Variants in GNB1 observed in about 807,000 individuals in gnomAD.
GNB1 encodes the protein G protein subunit beta 1, also known as guanine nucleotide-binding protein G(I)/G(S)/G(T) subunit beta-1.
Under a neutral mutation model 42.9 loss-of-function variants are expected in GNB1, and 2 were observed. The ratio of observed to expected loss-of-function variants is 0.05; its 90% CI spans 0.02 to 0.15. The LOEUF is 0.15. Ranked by LOEUF, GNB1 falls within the 10% of genes least tolerant of loss-of-function variation. The pLI, the probability that GNB1 is intolerant of heterozygous loss-of-function variation, is 1.00. For missense variants in GNB1, 193 were observed against 462.2 expected (o/e 0.42, Z 5.34); for synonymous variants, 183 against 174.7 (o/e 1.05, Z -0.38).
chr1:1,851,980 T>C (rs901806191), intron 1 of GNB1, among the ~76,000 whole-genome samples: 9 of 150,838 alleles, frequency 6.0e-5, no homozygotes, highest in African/African-American at 1.9e-4. Context: ...GAGGCAGAGA[T>C]TGCGGTGAGC....
In GNB1 at chr1:1,839,246, A is replaced by T. The variant is rs1430121235; in HGVS notation, c.-95-8T>A. The stretch of plus-strand genomic sequence containing the variant: ...CAATACATGTAAATTTGTCTGAAAC[A>T]AACAGAAAAGGCTGTATTTGTATTG... On this transcript the variant is annotated splice_polypyrimidine_tract_variant and splice_region_variant and intron_variant, in intron 1 of 11. Transcript: ENST00000378609. The T allele has an allele frequency of 6.6e-6, 1 of 152,216 alleles. No homozygotes were observed. Among genetic ancestry groups the T allele is most frequent in the African/African-American group, 2.4e-5 (1 of 41,454 alleles). The allele number at this position is 152,216 out of a possible 1,614,324, so 9.4% of individuals were successfully genotyped here.
chr1:1,861,272 C>A (rs1648612059), intron 1 of GNB1, among the ~76,000 whole-genome samples: 1 of 151,934 alleles, frequency 6.6e-6, no homozygotes, highest in Non-Finnish European at 1.5e-5. Context: ...GTCTGGGCAA[C>A]ATAAAGAGTC....
intron 7 of GNB1, chr1:1,793,719 G>T: frequency 6.3e-6 from 1 of 159,020 alleles, no homozygotes; most frequent in Non-Finnish European, 1.4e-5. Context: ...CTCTCCTACA[G>T]CCCACGCTCA....
At chr1:1,887,819 T>G (rs989960385) in intron 1 of GNB1, among the ~76,000 whole-genome samples, 1 of 152,168 alleles carries the variant, frequency 6.6e-6, no homozygotes, top group African/African-American at 2.4e-5. Flanking sequence ...TTCGCTATGT[T>G]GGCCAGACTG....
chr1:1,888,702 G>C (rs1650295455), intron 1 of GNB1, among the ~76,000 whole-genome samples: 1 of 152,124 alleles, frequency 6.6e-6, no homozygotes, highest in African/African-American at 2.4e-5. Flanking sequence ...AGCCGGGTGT[G>C]GTGGTGGTAG....
chr1:1,862,431 A>G (rs1648684083), intron 1 of GNB1, among the ~76,000 whole-genome samples: 1 of 152,058 alleles, frequency 6.6e-6, no homozygotes, highest in Non-Finnish European at 1.5e-5. Flanking sequence ...CAGTTTCCTA[A>G]GTCTATTACC....
At chr1:1,796,503 G>A (rs1646548189) in intron 7 of GNB1, among the ~76,000 whole-genome samples, 1 of 152,246 alleles carries the variant, frequency 6.6e-6, no homozygotes, top group Non-Finnish European at 1.5e-5. Flanking sequence ...GAGGAGCAGA[G>A]CTGTCTGTGC....
At chr1:1,795,441 C>T (rs766342697) in intron 7 of GNB1, among the ~76,000 whole-genome samples, 11 of 152,122 alleles carry the variant, frequency 7.2e-5, no homozygotes, top group East Asian at 3.9e-4. Flanking sequence ...GGGGACCAGG[C>T]GGAGGCACTC....
intron 1 of GNB1, among the ~76,000 whole-genome samples, chr1:1,876,651 G>A (rs913978180): frequency 2.0e-5 from 3 of 152,166 alleles, no homozygotes; most frequent in Non-Finnish European, 4.4e-5. Flanking sequence ...ATAGGCATAA[G>A]CCACCACACC....
intron 6 of GNB1, among the ~76,000 whole-genome samples, chr1:1,805,569 T>C (rs1235275609): frequency 1.3e-5 from 2 of 152,026 alleles, no homozygotes; most frequent in Non-Finnish European, 2.9e-5. Flanking sequence ...AGATGGAGTT[T>C]CGCTCTTGTT....
At chr1:1,810,356 C>T (rs1247594761) in intron 5 of GNB1, among the ~76,000 whole-genome samples, 12 of 151,622 alleles carry the variant, frequency 7.9e-5, no homozygotes, top group African/African-American at 2.4e-4. Flanking sequence ...TGAGCCACCG[C>T]GCCCGGCCCA....
Position 1,888,502 on chromosome 1 carries a change from G to A in GNB1, c.-96+2318C>T, listed in dbSNP as rs1055374277. ...TTGACAGCATCAGCCTCTGGACCCTGCAGTTGCAGTTCATTTCTGCGCAGC... is the reference window on the plus strand; with the variant it reads ...TTGACAGCATCAGCCTCTGGACCCTACAGTTGCAGTTCATTTCTGCGCAGC... On this transcript the variant is annotated intron_variant, in intron 1 of 11. Transcript: ENST00000378609. 5.3e-5 allele frequency among the ~76,000 whole-genome samples: 8 copies of A among 152,240 alleles called. No individual in the cohort carries two copies. The East Asian group carries it at 1.5e-3, about 29-fold the overall frequency.
intron 1 of GNB1, among the ~76,000 whole-genome samples, chr1:1,872,774 T>A (rs1649319312): frequency 1.3e-5 from 2 of 152,140 alleles, no homozygotes; most frequent in Non-Finnish European, 2.9e-5. Context: ...TTCTTCCAGT[T>A]CGCCATCTCC....
intron 4 of GNB1, among the ~76,000 whole-genome samples, chr1:1,816,214 CTCT>C (rs1401414715): frequency 6.6e-6 from 1 of 152,188 alleles, no homozygotes; most frequent in Non-Finnish European, 1.5e-5. Context: ...GATCTCGCAA[CTCT>C]TCTTATGACA....
At position 1,888,386 on chromosome 1, in the gene GNB1, G is replaced by A. The variant is rs984663175; in HGVS notation, c.-96+2434C>T. On this transcript the variant is annotated intron_variant, in intron 1 of 11. Transcript: ENST00000378609. ...CAATCTCAAAAAAAAAAAAAAAGGC[G>A]GGCGGGGGGAGCACTTTCAGTGTTG... Among the ~76,000 whole-genome samples, 168 of 149,650 alleles carry A rather than the reference G, an allele frequency of 1.1e-3. 1 individual carries two copies. The highest frequency in any genetic ancestry group is 1.3e-3 in the South Asian group (6 of 4,700).
chr1:1,789,460 A>ACGCG (rs1350192448), intron 9 of GNB1, among the ~76,000 whole-genome samples, 191 bp from the exon 10 acceptor site: 1 of 152,174 alleles, frequency 6.6e-6, no homozygotes, highest in African/African-American at 2.4e-5. Flanking sequence ...TGGGAGGCTG[A>ACGCG]CGCGGGTGGA....
At chr1:1,822,485 T>A (rs923563320) in intron 3 of GNB1, among the ~76,000 whole-genome samples, 14 of 152,076 alleles carry the variant, frequency 9.2e-5, no homozygotes, top group Non-Finnish European at 8.8e-5. Flanking sequence ...TTTTTTGTAT[T>A]TTTTTTCTTT....
In GNB1 at chr1:1,786,501, GACA is replaced by G. The variant is rs1370353184; in HGVS notation, c.*559_*561del. ...AACCAGGGACTGAATTTACATCATT[GACA>G]ACATCAGAGAGGCTGCCCTAGACTC... On this transcript the variant is annotated 3_prime_UTR_variant, in exon 12 of 12. Transcript: ENST00000378609. 4 of 161,368 alleles carry G rather than the reference GACA, an allele frequency of 2.5e-5. No homozygotes were observed. Among genetic ancestry groups the G allele is most frequent in the Non-Finnish European group, 5.4e-5 (4 of 74,078 alleles). The allele number at this position is 161,368 out of a possible 1,614,324, so 10.0% of individuals were successfully genotyped here. A position where few individuals can be genotyped will look rare whatever the true frequency, so the allele number is the denominator to read the frequency against.
chr1:1,815,936 G>C, intron 4 of GNB1, 74 bp from the exon 5 acceptor site: 1 of 924,708 alleles, frequency 1.1e-6, no homozygotes, highest in Non-Finnish European at 1.7e-6. Context: ...TCCTTGTCAA[G>C]GCTGTTGGCT....
Sources: gnomAD v4.1 joint callset for allele counts (sites outside exome capture counted in the v4.1 genomes callset) on GRCh38, gnomAD v4.1.1 for gene constraint, MANE v1.5 for transcripts, NCBI Gene and HGNC (gene_info 2026-07-23, HGNC 2026-07-21) for gene names.